The following NAV2 variants were observed in gnomAD, a reference collection of about 807,000 sequenced individuals.
The protein encoded by NAV2 is neuron navigator 2.
In NAV2, 54 loss-of-function variants were observed where a neutral mutation model predicts 223.2. The ratio of observed to expected loss-of-function variants is 0.24; its 90% CI spans 0.19 to 0.30. The LOEUF (loss-of-function observed/expected upper bound fraction) is 0.30, where lower values mean the gene tolerates loss of function less well. Among genes scored for constraint, NAV2 ranks in the 10% least tolerant of loss-of-function variants. The pLI is 1.00. For synonymous variants in NAV2, 1,279 were observed against 1,239.3 expected (o/e 1.03, Z -0.67); for missense variants, 2,806 against 3,147.5 (o/e 0.89, Z 2.60).
chr11:19,846,713 C>A (rs908882391), intron 3 of NAV2, among the ~76,000 whole-genome samples: 1 of 152,206 alleles, frequency 6.6e-6, no homozygotes, highest in African/African-American at 2.4e-5. Flanking sequence ...CGGAGATGCT[C>A]TCCCCAGGAC....
intron 1 of NAV2, among the ~76,000 whole-genome samples, chr11:19,358,238 A>G (rs1853732605): frequency 6.6e-6 from 1 of 152,198 alleles, no homozygotes; most frequent in African/African-American, 2.4e-5. Context: ...GATGTTTTTT[A>G]CAACGCAGCT....
intron 1 of NAV2, among the ~76,000 whole-genome samples, chr11:19,823,927 A>G (rs1225296138): frequency 6.6e-6 from 1 of 152,164 alleles, no homozygotes; most frequent in East Asian, 1.9e-4. Flanking sequence ...AAAAAAGACA[A>G]GAAAAGAAAA....
chr11:19,819,788 A>G (rs901063554), intron 1 of NAV2, among the ~76,000 whole-genome samples: 1 of 152,214 alleles, frequency 6.6e-6, no homozygotes, highest in African/African-American at 2.4e-5. Context: ...CCATTTTACA[A>G]ATGTGGAAAC....
chr11:19,828,116 T>G (rs2059741379), intron 1 of NAV2, among the ~76,000 whole-genome samples: 1 of 152,158 alleles, frequency 6.6e-6, no homozygotes, highest in Non-Finnish European at 1.5e-5. Flanking sequence ...ATTACCCCAC[T>G]GCACCCCAGC....
chr11:19,793,347 A>C (rs1432251754), intron 1 of NAV2, among the ~76,000 whole-genome samples: 1 of 151,958 alleles, frequency 6.6e-6, no homozygotes, highest in Non-Finnish European at 1.5e-5. Context: ...TCCATCTCTG[A>C]TTTAGAGCCA....
chr11:20,062,604 T>G (rs1052325257), intron 20 of NAV2, among the ~76,000 whole-genome samples: 3 of 152,244 alleles, frequency 2.0e-5, no homozygotes, highest in African/African-American at 7.2e-5. Flanking sequence ...CTATTTAGAA[T>G]GTGTGAGAAG....
intron 11 of NAV2, among the ~76,000 whole-genome samples, chr11:20,016,838 C>CAAAAAA (rs34115097): frequency 1.4e-5 from 2 of 145,456 alleles, no homozygotes; most frequent in African/African-American, 2.6e-5. Flanking sequence ...TACTAAAATA[C>CAAAAAA]AAAAAAAAAA....
rs2049998409 is a variant in NAV2, at chr11:19,713,320, G to T, written c.-376G>T. 3.8e-6 allele frequency: 4 copies of T among 1,065,688 alleles called. No individual in the cohort carries two copies. Among genetic ancestry groups the T allele is most frequent in the Non-Finnish European group, 4.5e-6 (4 of 883,226 alleles). The allele number at this position is 1,065,688 out of a possible 1,614,324, so 66.0% of individuals were successfully genotyped here. A position where few individuals can be genotyped will look rare whatever the true frequency, so the allele number is the denominator to read the frequency against. ...CTTCCAAAGGGGCCTCCTCACTTCG[G>T]AGATGCAGTGACAAGTTAATATGGG... is the stretch of plus-strand genomic sequence containing the variant. On this transcript the variant is annotated 5_prime_UTR_variant, in exon 1 of 38. Coordinates refer to ENST00000349880, the MANE Select transcript of NAV2 (RefSeq NM_145117.5). This position sits in a 1 kb window ranked among gnomAD's most constrained non-coding sequence, Gnocchi z 7.2.
intron 11 of NAV2, among the ~76,000 whole-genome samples, chr11:20,033,473 A>G (rs2153560807): frequency 6.6e-6 from 1 of 152,316 alleles, no homozygotes; most frequent in South Asian, 2.1e-4. Flanking sequence ...GAAAGCCTTA[A>G]AGGAAGAATT....
chr11:19,570,785 A>G (rs1458044781), intron 1 of NAV2, among the ~76,000 whole-genome samples: 2 of 152,250 alleles, frequency 1.3e-5, no homozygotes, highest in Non-Finnish European at 2.9e-5. Flanking sequence ...AATTGAAAAT[A>G]ACAAGTGTTT....
chr11:20,012,803 T>G (rs1330082536), intron 11 of NAV2, among the ~76,000 whole-genome samples: 1 of 152,116 alleles, frequency 6.6e-6, no homozygotes, highest in Non-Finnish European at 1.5e-5. Context: ...AATGTGCCAA[T>G]TACCAGTCTC....
At chr11:19,919,370 A>C (rs716172) in intron 6 of NAV2, among the ~76,000 whole-genome samples, 1 of 151,336 alleles carries the variant, frequency 6.6e-6, no homozygotes, top group African/African-American at 2.4e-5. Context: ...TTGAGCCTTA[A>C]GGAAACAGAG....
At chr11:19,484,327 C>A (rs757823374) in intron 1 of NAV2, among the ~76,000 whole-genome samples, 7 of 152,250 alleles carry the variant, frequency 4.6e-5, no homozygotes, top group Non-Finnish European at 1.0e-4. Flanking sequence ...TCTTATACAT[C>A]TCTGATGACA....
intron 1 of NAV2, among the ~76,000 whole-genome samples, chr11:19,764,637 G>A (rs1772834580): frequency 6.6e-6 from 1 of 152,170 alleles, no homozygotes. Flanking sequence ...TAAGCCTTCA[G>A]TACATTCTTT....
intron 1 of NAV2, among the ~76,000 whole-genome samples, chr11:19,816,087 A>C (rs2059076561): frequency 6.6e-6 from 1 of 152,190 alleles, no homozygotes; most frequent in South Asian, 2.1e-4. Context: ...TAGTATAATA[A>C]AAATAATAAA....
chr11:19,546,936 A>G (rs1476455972), intron 1 of NAV2, among the ~76,000 whole-genome samples: 1 of 152,188 alleles, frequency 6.6e-6, no homozygotes, highest in Non-Finnish European at 1.5e-5. Context: ...CTGGGAGATG[A>G]TCAGTTGGAG....
chr11:19,958,104 G>A (rs1252072859), intron 10 of NAV2, among the ~76,000 whole-genome samples: 1 of 152,022 alleles, frequency 6.6e-6, no homozygotes, highest in Admixed American at 6.6e-5. Flanking sequence ...CTTGTTGAGA[G>A]GCCTCCAAAT....
chr11:19,387,947 AG>A (rs1385160464), intron 1 of NAV2, among the ~76,000 whole-genome samples: 1 of 152,204 alleles, frequency 6.6e-6, no homozygotes, highest in Non-Finnish European at 1.5e-5. Flanking sequence ...GCCAACCTCC[AG>A]CAATGACATT....
intron 1 of NAV2, among the ~76,000 whole-genome samples, chr11:19,688,863 T>A (rs1177577745): frequency 6.6e-6 from 1 of 152,198 alleles, no homozygotes; most frequent in African/African-American, 2.4e-5. Flanking sequence ...GTTGTGCCTT[T>A]TATCCAGGCA....
Sources: allele counts gnomAD v4.1 joint callset (sites outside exome capture counted in the v4.1 genomes callset), GRCh38; gene constraint gnomAD v4.1.1; non-coding constraint Gnocchi (gnomAD v3.1); transcripts MANE v1.5; gene names NCBI Gene and HGNC (gene_info 2026-07-23, HGNC 2026-07-21).